PCDHGB4: variants seen among roughly 807,000 people sequenced by gnomAD.
PCDHGB4 encodes the protein protocadherin gamma-B4.
Under a neutral mutation model 60.5 loss-of-function variants are expected in PCDHGB4, and 38 were observed. That is an observed-to-expected ratio of 0.63 (90% CI 0.48 to 0.82). The LOEUF (loss-of-function observed/expected upper bound fraction) is 0.82. PCDHGB4 is among the 40% of genes least tolerant of loss of function. The probability of loss-of-function intolerance (pLI) is 0.00; values close to 1 mark genes in which losing one functional copy is unlikely to be tolerated. For synonymous variants in PCDHGB4, 456 were observed against 509.7 expected, an observed-to-expected ratio of 0.89 and a Z score of 1.42; for missense variants, 1,109 against 1,209.6, an observed-to-expected ratio of 0.92 and a Z score of 1.23.
intron 1 of PCDHGB4, among the ~76,000 whole-genome samples, chr5:141,488,190 G>A (rs1162264945): frequency 1.3e-5 from 2 of 152,164 alleles, no homozygotes; most frequent in African/African-American, 4.8e-5. Flanking sequence ...CTTTTGGTCT[G>A]GGTCTTAGGA....
chr5:141,426,513 CG>C, intron 1 of PCDHGB4: 1 of 341,148 alleles, frequency 2.9e-6, no homozygotes, highest in Non-Finnish European at 5.8e-6. Flanking sequence ...AATACTTTAC[CG>C]TGAACACGGA....
At position 141,418,204 on chromosome 5, in the gene PCDHGB4, T is replaced by G. The variant is rs1456912993; in HGVS notation, c.2397+27923T>G. ...AAGCTGTGGTGGAAAATCCTTTAAATATTTTTCATGTCATTGTGGTGATTG... is the reference window on the plus strand; with the variant it reads ...AAGCTGTGGTGGAAAATCCTTTAAAGATTTTTCATGTCATTGTGGTGATTG... On this transcript the variant is annotated intron_variant, in intron 1 of 3. Transcript: ENST00000519479. The G allele has an allele frequency of 2.5e-6, 4 of 1,614,054 alleles. No homozygotes were observed. The East Asian group carries it at 8.9e-5, about 36-fold the overall frequency.
Position 141,388,068 on chromosome 5 carries a change from C to T in PCDHGB4, c.184C>T (p.Pro62Ser), listed in dbSNP as rs562398369. The change falls in exon 1 of 4, where the codon CCG (proline) becomes TCG (serine). Residue 62 changes from proline (P) to serine (S), a missense_variant. This residue lies in a region of PCDHGB4 where 41 missense variants were observed against 119.7 expected (regional missense o/e 0.34). Transcript: ENST00000519479. ...CCTGGGGTTCAGCGTCCAGGAGTTA[C>T]CGACTCGAAAACTGCGCGTCAGTTC... ...TDLGFSVQEL[P>S]TRKLRVSSEK... is the part of the protein sequence containing the mutation. 8.0e-6 allele frequency: 11 copies of T among 1,373,194 alleles called. No homozygotes were observed. Among genetic ancestry groups the T allele is most frequent in the Non-Finnish European group, 1.1e-5 (11 of 1,000,860 alleles). The allele number at this position is 1,373,194 out of a possible 1,614,324, so 85.1% of individuals were successfully genotyped here. A position where few individuals can be genotyped will look rare whatever the true frequency, so the allele number is the denominator to read the frequency against.
At chr5:141,504,065 G>C (rs1291060280) in intron 2 of PCDHGB4, among the ~76,000 whole-genome samples, 2 of 152,060 alleles carry the variant, frequency 1.3e-5, no homozygotes, top group African/African-American at 2.4e-5. Context: ...AAACTTCTCT[G>C]AGCCAGATGG....
intron 1 of PCDHGB4, chr5:141,419,502 T>C: frequency 6.2e-7 from 1 of 1,612,388 alleles, no homozygotes; most frequent in Admixed American, 1.7e-5. Context: ...AATGTGAGCC[T>C]GCGCGTGTTG....
chr5:141,399,570 C>T (rs1297172097), intron 1 of PCDHGB4: 1 of 1,614,044 alleles, frequency 6.2e-7, no homozygotes, highest in Non-Finnish European at 8.5e-7. Context: ...GGTTGAACGG[C>T]CAAGTCTCCT....
In PCDHGB4 at chr5:141,477,669, T is replaced by C; in HGVS notation, c.2398-17138T>C. Reference sequence around the variant, plus strand: ...TTCACAATAAATCGTGACAATGGCATAGTGTCATCCTTAGTGCCCCTAGAC... The same window carrying C: ...TTCACAATAAATCGTGACAATGGCACAGTGTCATCCTTAGTGCCCCTAGAC... On this transcript the variant is annotated intron_variant, in intron 1 of 3. Coordinates refer to ENST00000519479, the MANE Select transcript of PCDHGB4 (RefSeq NM_003736.4). This position sits in a 1 kb window ranked among gnomAD's most constrained non-coding sequence, Gnocchi z 4.9. 6.2e-7 allele frequency: 1 copy of C among 1,614,200 alleles called. No individual in the cohort carries two copies. Among genetic ancestry groups the C allele is most frequent in the Non-Finnish European group, 8.5e-7 (1 of 1,180,030 alleles).
chr5:141,388,893 G>A lies in PCDHGB4; in HGVS notation c.1009G>A (p.Asp337Asn). ...AQCTVEVEVI[D>N]ENDNAPEVIF... ...ATGCACAGTGGAGGTAGAAGTCATA[G>A]ATGAAAATGACAACGCCCCAGAAGT... The change falls in exon 1 of 4, where the codon GAT (aspartate) becomes AAT (asparagine). Residue 337 changes from aspartate (D) to asparagine (N), a missense_variant. Coordinates refer to ENST00000519479, the MANE Select transcript of PCDHGB4 (RefSeq NM_003736.4). The A allele has an allele frequency of 6.2e-7, 1 of 1,613,982 alleles. No individual in the cohort carries two copies.
intron 1 of PCDHGB4, among the ~76,000 whole-genome samples, chr5:141,444,462 C>T (rs1314366280): frequency 3.3e-5 from 5 of 152,002 alleles, no homozygotes; most frequent in African/African-American, 9.7e-5. Flanking sequence ...TGAGTCACTG[C>T]GCCCGGTCGC....
intron 1 of PCDHGB4, chr5:141,427,278 A>G (rs981860450): frequency 2.2e-6 from 1 of 456,706 alleles, no homozygotes; most frequent in Non-Finnish European, 4.4e-6. Context: ...ATGTAAAATT[A>G]TACTAGAAAT....
chr5:141,497,596 G>C (rs920597006), intron 2 of PCDHGB4, among the ~76,000 whole-genome samples: 1 of 149,648 alleles, frequency 6.7e-6, no homozygotes, highest in Admixed American at 6.7e-5. Context: ...CTGGAGTGCA[G>C]TGGTGCGATC....
Position 141,430,964 on chromosome 5 carries a change from A to G in PCDHGB4, c.2397+40683A>G, listed in dbSNP as rs547574367. The G allele has an allele frequency of 7.3e-5, 117 of 1,612,860 alleles. No homozygotes were observed. The South Asian group carries it at 1.2e-3, about 17-fold the overall frequency. On this transcript the variant is annotated intron_variant, in intron 1 of 3. Coordinates refer to ENST00000519479, the MANE Select transcript of PCDHGB4 (RefSeq NM_003736.4). The stretch of plus-strand genomic sequence containing the variant: ...GGAGCGCGGAGTCCGCATCATCCCC[A>G]GAGGTAGGACGCAGCTTTTCGCCCT...
In PCDHGB4 at chr5:141,421,624, A is replaced by G; in HGVS notation, c.2397+31343A>G. On this transcript the variant is annotated intron_variant, in intron 1 of 3. Transcript: ENST00000519479. ...AATAGATATTAATGATAACGCCCCC[A>G]GCTTCCAGGAGGACGAAGTGGAGAT... 2.5e-6 allele frequency: 4 copies of G among 1,613,872 alleles called. No homozygotes were observed. The South Asian group carries it at 3.3e-5, about 13-fold the overall frequency.
chr5:141,393,900 G>C (rs1048161107), intron 1 of PCDHGB4: 1 of 1,613,906 alleles, frequency 6.2e-7, no homozygotes, highest in Non-Finnish European at 8.5e-7. Context: ...TTCTCTTCCC[G>C]GGACAGTAAT....
rs768074414 is a variant in PCDHGB4 at position 141,477,293 on chromosome 5, C to T, written c.2398-17514C>T. 8.1e-6 allele frequency: 13 copies of T among 1,614,180 alleles called. No homozygotes were observed. The highest frequency in any genetic ancestry group is 1.1e-5 in the Non-Finnish European group (13 of 1,180,036). ...CGGGCTGGTGACCTGCGAAGTTCCA[C>T]CGGGTCTCCCTTTCAGCCTTACTTC... On this transcript the variant is annotated intron_variant, in intron 1 of 3. Coordinates refer to ENST00000519479, the MANE Select transcript of PCDHGB4 (RefSeq NM_003736.4). This position sits in a 1 kb window ranked among gnomAD's most constrained non-coding sequence, Gnocchi z 4.9.
chr5:141,477,560 T>C lies in PCDHGB4; in HGVS notation c.2398-17247T>C, dbSNP rs2099412994. The C allele has an allele frequency of 1.2e-6, 2 of 1,614,078 alleles. No homozygotes were observed. Among genetic ancestry groups the C allele is most frequent in the South Asian group, 2.2e-5 (2 of 91,094 alleles). ...GGCTCCAATACTAAACCTAAGTGTC[T>C]GGGACCCCGACGCCCCGCAGAATGC... On this transcript the variant is annotated intron_variant, in intron 1 of 3. Transcript: ENST00000519479. This position sits in a 1 kb window ranked among gnomAD's most constrained non-coding sequence, Gnocchi z 4.9.
intron 1 of PCDHGB4, chr5:141,427,206 G>C (rs1224325038): frequency 1.1e-5 from 5 of 456,606 alleles, no homozygotes; most frequent in Admixed American, 2.3e-5. Context: ...AATAGACTTC[G>C]AATTTCGTAG....
chr5:141,398,835 T>G (rs371527677), intron 1 of PCDHGB4: 60 of 1,613,796 alleles, frequency 3.7e-5, no homozygotes, highest in Non-Finnish European at 4.9e-5. Context: ...CCGACGCCAA[T>G]GATAATCCCC....
chr5:141,403,666 T>C (rs2094439937), intron 1 of PCDHGB4: 1 of 1,613,926 alleles, frequency 6.2e-7, no homozygotes, highest in Non-Finnish European at 8.5e-7. Context: ...CAAATGATAA[T>C]GCCCCGGTTT....
Sources: gnomAD v4.1 joint callset for allele counts (sites outside exome capture counted in the v4.1 genomes callset) on GRCh38, gnomAD v4.1.1 for gene constraint, gnomAD v4.1.1 regional missense constraint, Gnocchi (gnomAD v3.1) non-coding constraint, MANE v1.5 for transcripts, NCBI Gene and HGNC (gene_info 2026-07-23, HGNC 2026-07-21) for gene names.